ROBO2: variants seen among roughly 807,000 people sequenced by gnomAD.
ROBO2 encodes roundabout homolog 2.
ROBO2 carries 53 observed loss-of-function variants against 160.8 expected under a neutral mutation model. That is an observed-to-expected ratio of 0.33 (90% CI 0.26 to 0.41). The LOEUF is 0.41. Among genes scored for constraint, ROBO2 ranks in the 10% least tolerant of loss-of-function variants. ROBO2 has a pLI of 1.00. For synonymous variants in ROBO2, 664 were observed against 611.7 expected, an observed-to-expected ratio of 1.09 and a Z score of -1.26; for missense variants, 1,577 against 1,722.4, an observed-to-expected ratio of 0.92 and a Z score of 1.49.
At chr3:76,676,229 G>A (rs1359554281) in intron 2 of ROBO2, among the ~76,000 whole-genome samples, 3 of 151,824 alleles carry the variant, frequency 2.0e-5, no homozygotes, top group African/African-American at 4.8e-5. Context: ...TTATGGAGGC[G>A]ATTTCCCCGT....
chr3:77,072,630 T>C (rs776189831), intron 1 of ROBO2, among the ~76,000 whole-genome samples: 17 of 152,206 alleles, frequency 1.1e-4, no homozygotes, highest in African/African-American at 1.4e-4. Flanking sequence ...TCCCCCTTGA[T>C]TGCATTTATC....
In ROBO2 at chr3:76,979,602, G is replaced by A. The variant is rs2059991043; in HGVS notation, c.110-118412G>A. ...GTGTATGTGTGTGTGTGGTGTGTGT[G>A]TGTGTGTGTGTGCGCAGGTATATGT... On this transcript the variant is annotated intron_variant, in intron 2 of 26. Coordinates refer to the ROBO2 transcript ENST00000487694. Among the ~76,000 whole-genome samples the A allele has an allele frequency of 2.6e-5, 4 of 151,826 alleles. No individual in the cohort carries two copies. In the South Asian group the frequency reaches 8.3e-4, roughly 32 times the overall value.
At chr3:77,279,051 G>C (rs1370906409) in intron 2 of ROBO2, among the ~76,000 whole-genome samples, 1 of 151,956 alleles carries the variant, frequency 6.6e-6, no homozygotes, top group African/African-American at 2.4e-5. Flanking sequence ...TCTAGACCTC[G>C]ATATTTTATT....
chr3:76,283,153 A>ATATATATATATATATATATAC (rs1559717396), intron 2 of ROBO2, among the ~76,000 whole-genome samples: 3 of 12,078 alleles, frequency 2.5e-4, no homozygotes, highest in Admixed American at 1.4e-3. Context: ...TATATATATA[A>ATATATATATATATATATATAC]AACTACATAT....
intron 2 of ROBO2, among the ~76,000 whole-genome samples, chr3:77,448,587 C>T (rs1370352612): frequency 6.8e-6 from 1 of 147,920 alleles, no homozygotes. Flanking sequence ...ATGGATACAC[C>T]TTTTATTATG....
rs9286680 is a variant in ROBO2, at chr3:77,474,657, T to TACACACAC, written c.389-2730_389-2723dup. Among the ~76,000 whole-genome samples, 348 of 128,572 alleles carry TACACACAC rather than the reference T, an allele frequency of 2.7e-3. 5 individuals carry two copies. Among genetic ancestry groups the TACACACAC allele is most frequent in the African/African-American group, 9.2e-3 (332 of 35,908 alleles). The allele number at this position is 128,572 out of a possible 152,430, so 84.3% of individuals were successfully genotyped here. A position where few individuals can be genotyped will look rare whatever the true frequency, so the allele number is the denominator to read the frequency against. ...TCTAGGGTAGAGGATTTAGGGGGAA[T>TACACACAC]ACACACACACACACACACACACACA... On this transcript the variant is annotated intron_variant, in intron 2 of 25. Coordinates refer to ENST00000461745, the Ensembl canonical transcript of ROBO2.
intron 2 of ROBO2, among the ~76,000 whole-genome samples, chr3:76,227,832 G>A (rs1212624446): frequency 6.6e-6 from 1 of 152,138 alleles, no homozygotes; most frequent in Admixed American, 6.6e-5. Flanking sequence ...GAGAAGCACT[G>A]CTCTGGCAAT....
intron 2 of ROBO2, among the ~76,000 whole-genome samples, chr3:76,524,318 T>C (rs2081809866): frequency 6.6e-6 from 1 of 151,990 alleles, no homozygotes; most frequent in African/African-American, 2.4e-5. Flanking sequence ...GGAGCACAGA[T>C]TAAATGTCAT....
chr3:76,286,946 CA>C lies in ROBO2; in HGVS notation c.109+349345del, dbSNP rs201790028. Among the ~76,000 whole-genome samples the C allele has an allele frequency of 4.2e-3, 643 of 152,288 alleles. 5 individuals are homozygous for C. The highest frequency in any genetic ancestry group is 0.025 in the Admixed American group (380 of 15,300). On this transcript the variant is annotated intron_variant, in intron 2 of 26. Coordinates refer to the ROBO2 transcript ENST00000487694. ...GCTGTAAGAAAAGGCATTTAATTCA[CA>C]TGTTTTCTTTTCTTTCTACCGTAAG...
intron 2 of ROBO2, among the ~76,000 whole-genome samples, chr3:76,393,195 A>G (rs1452732033): frequency 1.3e-5 from 2 of 152,146 alleles, no homozygotes; most frequent in African/African-American, 4.8e-5. Flanking sequence ...TCCAAGACCT[A>G]TTGAATAAGA....
chr3:76,564,549 T>C (rs1186920316), intron 2 of ROBO2, among the ~76,000 whole-genome samples: 2 of 152,330 alleles, frequency 1.3e-5, no homozygotes, highest in East Asian at 3.9e-4. Flanking sequence ...AATTGTATTA[T>C]GTGGTCCACA....
At chr3:76,739,681 A>G (rs2093771634) in intron 2 of ROBO2, among the ~76,000 whole-genome samples, 1 of 152,186 alleles carries the variant, frequency 6.6e-6, no homozygotes, top group Admixed American at 6.5e-5. Context: ...GTGGGTAGCA[A>G]GGGCATCACC....
intron 2 of ROBO2, among the ~76,000 whole-genome samples, chr3:77,366,899 C>CCCG (rs1231208458): frequency 6.6e-6 from 1 of 151,782 alleles, no homozygotes; most frequent in Non-Finnish European, 1.5e-5. Flanking sequence ...CAGCACCCCC[C>CCCG]CGACACTCAC....
At chr3:76,847,667 C>T (rs1274910350) in intron 2 of ROBO2, among the ~76,000 whole-genome samples, 4 of 152,208 alleles carry the variant, frequency 2.6e-5, no homozygotes, top group African/African-American at 9.6e-5. Flanking sequence ...AATCTCAACT[C>T]GGCATTGCTG....
At chr3:76,714,358 C>A (rs776038546) in intron 2 of ROBO2, among the ~76,000 whole-genome samples, 2 of 152,022 alleles carry the variant, frequency 1.3e-5, no homozygotes, top group African/African-American at 4.8e-5. Context: ...CAGGCGTGGA[C>A]GGGTGGGATC....
intron 17 of ROBO2, among the ~76,000 whole-genome samples, chr3:77,593,812 T>C (rs113864603): frequency 0.011 from 1,638 of 152,246 alleles, 24 homozygotes; most frequent in African/African-American, 0.035. Flanking sequence ...TATGTGTATA[T>C]ATATTAAGTG....
At chr3:76,450,868 T>G (rs539546453) in intron 2 of ROBO2, among the ~76,000 whole-genome samples, 10 of 152,288 alleles carry the variant, frequency 6.6e-5, no homozygotes, top group African/African-American at 2.4e-4. Flanking sequence ...TTAGAGATAA[T>G]GTTTTAAAAA....
intron 2 of ROBO2, among the ~76,000 whole-genome samples, chr3:76,943,698 A>G (rs1048028067): frequency 2.0e-5 from 3 of 152,196 alleles, no homozygotes; most frequent in African/African-American, 7.2e-5. Flanking sequence ...TGTTTGTATC[A>G]GTACTTTTTT....
At chr3:76,156,029 C>A (rs1341710628) in intron 2 of ROBO2, among the ~76,000 whole-genome samples, 1 of 152,066 alleles carries the variant, frequency 6.6e-6, no homozygotes, top group Non-Finnish European at 1.5e-5. Flanking sequence ...TTTTGCTTCT[C>A]CCTGCCTGTT....
Sources: gnomAD v4.1 joint callset for allele counts (sites outside exome capture counted in the v4.1 genomes callset) on GRCh38, gnomAD v4.1.1 for gene constraint, MANE v1.5 for transcripts, NCBI Gene and HGNC (gene_info 2026-07-23, HGNC 2026-07-21) for gene names.